ANAPC1: variants seen among roughly 807,000 people sequenced by gnomAD.
ANAPC1 encodes the protein anaphase-promoting complex subunit 1.
ANAPC1 carries 36 observed loss-of-function variants against 208.0 expected under a neutral mutation model. That is an observed-to-expected ratio of 0.17 (90% CI 0.13 to 0.23). The LOEUF is 0.23. ANAPC1 is among the 10% of genes least tolerant of loss of function. ANAPC1 has a pLI of 1.00. For synonymous variants in ANAPC1, 378 were observed against 695.2 expected (o/e 0.54, Z 7.18); for missense variants, 942 against 2,011.6 (o/e 0.47, Z 10.17).
intron 7 of ANAPC1, among the ~76,000 whole-genome samples, chr2:111,865,434 CA>C (rs952149057): frequency 6.6e-6 from 1 of 152,054 alleles, no homozygotes; most frequent in Non-Finnish European, 1.5e-5. Context: ...AGGTTTTTCC[CA>C]GTGAGTTCAG....
intron 46 of ANAPC1, among the ~76,000 whole-genome samples, chr2:111,775,517 T>C (rs1346669415): frequency 2.0e-5 from 3 of 152,286 alleles, no homozygotes; most frequent in African/African-American, 7.2e-5. Flanking sequence ...TAAGAGGTTT[T>C]GTTTTAAAAA....
At chr2:111,872,538 TATC>T (rs1682810400) in intron 6 of ANAPC1, 89 bp downstream of exon 6, 1 of 1,072,074 alleles carries the variant, frequency 9.3e-7, no homozygotes, top group African/African-American at 1.6e-5. Flanking sequence ...ACATGAAAAT[TATC>T]ATCATCTCAA....
intron 44 of ANAPC1, chr2:111,779,011 T>G (rs1365570509): frequency 5.5e-6 from 1 of 180,748 alleles, no homozygotes; most frequent in Non-Finnish European, 1.2e-5. Flanking sequence ...TGGACCAAAC[T>G]AGGACAAAAT....
chr2:111,833,785 T>C (rs1311148141), intron 19 of ANAPC1, among the ~76,000 whole-genome samples: 1 of 152,004 alleles, frequency 6.6e-6, no homozygotes, highest in Admixed American at 6.6e-5. Flanking sequence ...AGAATTTTCA[T>C]GACAGTAATG....
rs1678493238 is a variant in ANAPC1 at position 111,802,518 on chromosome 2, G to A, written c.4143-12C>T. 3.0e-6 allele frequency: 2 copies of A among 659,476 alleles called. No individual in the cohort carries two copies. Among genetic ancestry groups the A allele is most frequent in the Non-Finnish European group, 5.5e-6 (2 of 363,744 alleles). 40.9% of individuals were successfully genotyped at this position (659,476 alleles called of 1,614,324 possible). On this transcript the variant is annotated splice_polypyrimidine_tract_variant and intron_variant, in intron 32 of 47. Transcript: ENST00000341068. ...AATCTGCAATAGATCTGGTGGTGGA[G>A]GAAAACAGTAAGGCACACTGTTCAA...
At position 111,816,498 on chromosome 2, in the gene ANAPC1, T is replaced by C. The variant is rs200938491; in HGVS notation, c.3326-857A>G. 2.3e-3 allele frequency among the ~76,000 whole-genome samples: 352 copies of C among 151,676 alleles called. No homozygotes were observed. In the East Asian group the frequency reaches 0.053, roughly 23 times the overall value. ...AAAGGGCATTCACCAGATTATACTT[T>C]TACGGTCCATTTATTTAAGAACAAT... On this transcript the variant is annotated intron_variant, in intron 27 of 47. Transcript: ENST00000341068.
chr2:111,826,454 T>C (rs542031700), intron 21 of ANAPC1, among the ~76,000 whole-genome samples: 2 of 152,352 alleles, frequency 1.3e-5, no homozygotes, highest in South Asian at 4.1e-4. Flanking sequence ...AATCATATGA[T>C]ATGTAGTCTT....
chr2:111,874,892 G>C (rs1429545067), intron 3 of ANAPC1, among the ~76,000 whole-genome samples: 1 of 152,122 alleles, frequency 6.6e-6, no homozygotes, highest in Non-Finnish European at 1.5e-5. Context: ...ATTCTAGCTC[G>C]CAGCAGCCTA....
chr2:111,855,821 C>T (rs1681680144), intron 13 of ANAPC1, among the ~76,000 whole-genome samples: 1 of 151,910 alleles, frequency 6.6e-6, no homozygotes, highest in South Asian at 2.1e-4. Context: ...TATTTCTTAA[C>T]CAGAGTACTG....
intron 18 of ANAPC1, among the ~76,000 whole-genome samples, chr2:111,836,619 C>T (rs1164654553): frequency 6.7e-6 from 1 of 150,284 alleles, no homozygotes; most frequent in African/African-American, 2.4e-5. Context: ...TGCAGTCCAG[C>T]GTAGGCAACA....
At chr2:111,811,167 G>C (rs1435350361) in intron 28 of ANAPC1, among the ~76,000 whole-genome samples, 1 of 151,842 alleles carries the variant, frequency 6.6e-6, no homozygotes, top group Admixed American at 6.6e-5. Flanking sequence ...TTCAGGTGTC[G>C]GACAAAGACT....
rs565632509 is a variant in ANAPC1, at chr2:111,831,152, A to T, written c.2625+134T>A. On this transcript the variant is annotated intron_variant, in intron 21 of 47. Transcript: ENST00000341068. Reference sequence around the variant, plus strand: ...TGTAAATGTTCTATATCCTCATTGTAGTAATTACATGAATCTATACACGTA... The same window carrying T: ...TGTAAATGTTCTATATCCTCATTGTTGTAATTACATGAATCTATACACGTA... 7.8e-6 allele frequency: 5 copies of T among 641,232 alleles called. No homozygotes were observed. The East Asian group carries it at 1.5e-4, about 19-fold the overall frequency. 39.7% of individuals were successfully genotyped at this position (641,232 alleles called of 1,614,324 possible).
intron 41 of ANAPC1, 66 bp downstream of exon 41, chr2:111,784,257 C>T: frequency 2.5e-6 from 4 of 1,613,822 alleles, no homozygotes; most frequent in Admixed American, 1.7e-5. Flanking sequence ...ATTTAGCTAT[C>T]TTTAACGCTA....
At position 111,864,066 on chromosome 2, in the gene ANAPC1, T is replaced by C. The variant is rs1182327708; in HGVS notation, c.832-171A>G. Among the ~76,000 whole-genome samples, 5 of 152,096 alleles carry C rather than the reference T, an allele frequency of 3.3e-5. No homozygotes were observed. In the East Asian group the frequency reaches 7.7e-4, roughly 23 times the overall value. The stretch of plus-strand genomic sequence containing the variant: ...ATGAGGCCAGGTGCCGTGGCTTACA[T>C]CTATAATCCCAGCACTTTGGGAGGG... On this transcript the variant is annotated intron_variant, in intron 8 of 47. Transcript: ENST00000341068.
chr2:111,793,413 T>TG (rs1189154833), intron 37 of ANAPC1, among the ~76,000 whole-genome samples: 8 of 151,588 alleles, frequency 5.3e-5, no homozygotes, highest in Non-Finnish European at 1.0e-4. Context: ...TTTGTAGAGA[T>TG]GGGGTCTCCC....
At chr2:111,877,893 A>G (rs1425376538) in intron 3 of ANAPC1, among the ~76,000 whole-genome samples, 2 of 152,190 alleles carry the variant, frequency 1.3e-5, no homozygotes, top group Non-Finnish European at 2.9e-5. Flanking sequence ...TCTATTGCCT[A>G]TATTTCCTAT....
chr2:111,791,873 C>T (rs544904314), intron 38 of ANAPC1, among the ~76,000 whole-genome samples: 1 of 149,258 alleles, frequency 6.7e-6, no homozygotes, highest in African/African-American at 2.5e-5. Context: ...GCTCTTTGAC[C>T]TGTGCACCTA....
At chr2:111,798,841 T>A (rs2104551203) in intron 34 of ANAPC1, among the ~76,000 whole-genome samples, 1 of 152,358 alleles carries the variant, frequency 6.6e-6, no homozygotes, top group Non-Finnish European at 1.5e-5. Context: ...GAGACCATCT[T>A]GGCTAACACA....
chr2:111,766,312 C>A (rs1676471540), downstream of ANAPC1: 1 of 152,530 alleles, frequency 6.6e-6, no homozygotes, highest in East Asian at 1.9e-4. Flanking sequence ...AGCAACCAAT[C>A]TATTTCAGAG....
Sources: gnomAD v4.1 joint callset for allele counts (sites outside exome capture counted in the v4.1 genomes callset) on GRCh38, gnomAD v4.1.1 for gene constraint, MANE v1.5 for transcripts, NCBI Gene and HGNC (gene_info 2026-07-23, HGNC 2026-07-21) for gene names.